The following RAB7A variants were observed in gnomAD, a reference collection of about 807,000 sequenced individuals.
RAB7A encodes ras-related protein Rab-7a.
RAB7A carries 2 observed loss-of-function variants against 24.5 expected under a neutral mutation model. That is an observed-to-expected ratio of 0.08 (90% CI 0.03 to 0.26). The LOEUF (loss-of-function observed/expected upper bound fraction) is 0.26. Ranked by LOEUF, RAB7A falls within the 10% of genes least tolerant of loss-of-function variation. The pLI, the probability that RAB7A is intolerant of heterozygous loss-of-function variation, is 1.00. For synonymous variants in RAB7A, 100 were observed against 95.9 expected (o/e 1.04, Z -0.25); for missense variants, 118 against 255.7 (o/e 0.46, Z 3.67).
intron 1 of RAB7A, among the ~76,000 whole-genome samples, chr3:128,739,662 CATAT>C (rs1214790252): frequency 1.3e-5 from 2 of 151,948 alleles, no homozygotes; most frequent in Non-Finnish European, 2.9e-5. Context: ...AAAATTTAAC[CATAT>C]AGTCAGCTTT....
chr3:128,760,661 A>T (rs887885443), intron 1 of RAB7A, among the ~76,000 whole-genome samples: 1 of 152,198 alleles, frequency 6.6e-6, no homozygotes, highest in Non-Finnish European at 1.5e-5. Context: ...TTCATCTAGC[A>T]ATCATAACAA....
chr3:128,741,565 A>G (rs1483494717), intron 1 of RAB7A, among the ~76,000 whole-genome samples: 1 of 151,994 alleles, frequency 6.6e-6, no homozygotes, highest in Non-Finnish European at 1.5e-5. Context: ...TATTTACGAA[A>G]TAGAGATGGT....
chr3:128,765,837 C>T (rs1369088861), intron 1 of RAB7A, among the ~76,000 whole-genome samples: 10 of 151,172 alleles, frequency 6.6e-5, no homozygotes, highest in African/African-American at 2.2e-4. Context: ...TCTCGGCTCA[C>T]TGCAACCTCC....
intron 1 of RAB7A, among the ~76,000 whole-genome samples, chr3:128,735,888 G>A (rs943551918): frequency 1.3e-5 from 2 of 152,156 alleles, no homozygotes; most frequent in African/African-American, 2.4e-5. Context: ...CTGGTCTCTC[G>A]TTAGAGACTA....
intron 1 of RAB7A, among the ~76,000 whole-genome samples, chr3:128,780,198 A>C (rs1028322718): frequency 9.9e-5 from 15 of 152,232 alleles, no homozygotes; most frequent in Admixed American, 7.2e-4. Context: ...ATTTTCACAC[A>C]ATTTTATGAC....
chr3:128,775,526 G>GT, intron 1 of RAB7A, among the ~76,000 whole-genome samples: 1 of 152,154 alleles, frequency 6.6e-6, no homozygotes, highest in East Asian at 1.9e-4. Flanking sequence ...TAGAGGTTAA[G>GT]TTTAAGTTTT....
chr3:128,754,534 AAAAC>A (rs2070713634), intron 1 of RAB7A, among the ~76,000 whole-genome samples: 1 of 152,230 alleles, frequency 6.6e-6, no homozygotes, highest in Non-Finnish European at 1.5e-5. Context: ...GCATATATAC[AAAAC>A]AAACAGCAAA....
intron 2 of RAB7A, among the ~76,000 whole-genome samples, chr3:128,796,330 T>A (rs931105607): frequency 2.0e-5 from 3 of 151,826 alleles, no homozygotes; most frequent in Admixed American, 6.6e-5. Flanking sequence ...GCCGTACCTG[T>A]AGTTCCAGCT....
intron 1 of RAB7A, among the ~76,000 whole-genome samples, chr3:128,741,725 G>A (rs1296231330): frequency 6.6e-6 from 1 of 151,972 alleles, no homozygotes; most frequent in Non-Finnish European, 1.5e-5. Flanking sequence ...TTCTTTGTCT[G>A]TGGGACAGTA....
chr3:128,774,231 G>A (rs866163771), intron 1 of RAB7A, among the ~76,000 whole-genome samples: 1 of 145,020 alleles, frequency 6.9e-6, no homozygotes, highest in African/African-American at 2.5e-5. Flanking sequence ...AGAAACTTAC[G>A]CTGTTAGGTA....
chr3:128,786,195 A>G (rs1335203959), intron 1 of RAB7A, among the ~76,000 whole-genome samples: 2 of 152,214 alleles, frequency 1.3e-5, no homozygotes, highest in South Asian at 2.1e-4. Flanking sequence ...TTGCCCCAGG[A>G]AAGTCTGTAG....
intron 1 of RAB7A, among the ~76,000 whole-genome samples, chr3:128,734,291 C>T (rs2070468358): frequency 6.6e-6 from 1 of 151,632 alleles, no homozygotes. Context: ...ATTAGCCAGG[C>T]GTGGTGGTGG....
intron 1 of RAB7A, chr3:128,765,136 G>T (rs1346343015): frequency 4.2e-6 from 3 of 707,634 alleles, no homozygotes; most frequent in Non-Finnish European, 7.7e-6. Context: ...CGGGCGGCCG[G>T]CCGGGGTGGG....
At chr3:128,775,856 C>G (rs947209515) in intron 1 of RAB7A, among the ~76,000 whole-genome samples, 1 of 152,064 alleles carries the variant, frequency 6.6e-6, no homozygotes, top group Non-Finnish European at 1.5e-5. Flanking sequence ...ATGGCTGTAT[C>G]AGGCTATTTA....
chr3:128,791,997 A>G (rs1246499412), intron 1 of RAB7A, among the ~76,000 whole-genome samples: 1 of 152,130 alleles, frequency 6.6e-6, no homozygotes, highest in African/African-American at 2.4e-5. Flanking sequence ...CAACCCTCAC[A>G]CAGGTGTTGC....
intron 5 of RAB7A, among the ~76,000 whole-genome samples, chr3:128,807,890 G>A (rs1338214688): frequency 6.6e-6 from 1 of 152,206 alleles, no homozygotes; most frequent in African/African-American, 2.4e-5. Context: ...AGGCTGTGAA[G>A]TCTGAGGCTG....
intron 1 of RAB7A, among the ~76,000 whole-genome samples, chr3:128,765,491 T>C (rs149639938): frequency 6.6e-6 from 1 of 152,342 alleles, no homozygotes; most frequent in East Asian, 1.9e-4. Flanking sequence ...CTTTGGGCTA[T>C]TGTTGCAAGA....
At chr3:128,773,516 G>A (rs1347808539) in intron 1 of RAB7A, among the ~76,000 whole-genome samples, 1 of 144,318 alleles carries the variant, frequency 6.9e-6, no homozygotes, top group Non-Finnish European at 1.6e-5. Flanking sequence ...GGGAGGTGGG[G>A]GGCACCTCTG....
rs147631583 is a variant in RAB7A at position 128,797,384 on chromosome 3, C to T, written c.54-559C>T. On this transcript the variant is annotated intron_variant, in intron 2 of 5. Transcript: ENST00000265062. ...CTTGCTGAGTTTTCTTACTAGAAAA[C>T]ATATTTGGAGGAGCATTCTTTGAGG... Among the ~76,000 whole-genome samples the T allele has an allele frequency of 9.0e-4, 137 of 152,292 alleles. 1 individual carries two copies. The highest frequency in any genetic ancestry group is 3.1e-3 in the African/African-American group (130 of 41,566).
Sources: gnomAD v4.1 joint callset for allele counts (sites outside exome capture counted in the v4.1 genomes callset) on GRCh38, gnomAD v4.1.1 for gene constraint, MANE v1.5 for transcripts, NCBI Gene and HGNC (gene_info 2026-07-23, HGNC 2026-07-21) for gene names.